AFDN: variants seen among roughly 807,000 people sequenced by gnomAD.
The protein encoded by AFDN is afadin.
A neutral mutation model predicts 216.6 loss-of-function variants in AFDN; 68 were observed. The ratio of observed to expected loss-of-function variants is 0.31; its 90% CI spans 0.26 to 0.38. AFDN has a LOEUF of 0.38. Ranked by LOEUF, AFDN falls within the 10% of genes least tolerant of loss-of-function variation. The pLI is 1.00. For missense variants in AFDN, 2,136 were observed against 2,342.0 expected, an observed-to-expected ratio of 0.91 and a Z score of 1.82; for synonymous variants, 868 against 853.7, an observed-to-expected ratio of 1.02 and a Z score of -0.29.
chr6:167,914,366 T>A, intron 17 of AFDN, 53 bp downstream of exon 17: 1 of 1,577,122 alleles, frequency 6.3e-7, no homozygotes, highest in Non-Finnish European at 8.7e-7. Context: ...AAGTCATTTG[T>A]TTTCTTATTC....
chr6:167,893,744 C>A, intron 8 of AFDN, 118 bp from the exon 9 acceptor site: 2 of 760,776 alleles, frequency 2.6e-6, no homozygotes, highest in Non-Finnish European at 4.6e-6. Flanking sequence ...TGAAACGTGT[C>A]TCACTGAAGT....
At chr6:167,845,053 G>A (rs1169757447) in intron 1 of AFDN, among the ~76,000 whole-genome samples, 1 of 151,730 alleles carries the variant, frequency 6.6e-6, no homozygotes, top group African/African-American at 2.4e-5. Flanking sequence ...ATAAAGATGT[G>A]GTCTCACTAT....
At chr6:167,937,498 A>C (rs539176913) in intron 23 of AFDN, among the ~76,000 whole-genome samples, 1 of 152,166 alleles carries the variant, frequency 6.6e-6, no homozygotes, top group Non-Finnish European at 1.5e-5. Flanking sequence ...TCCTCCCGCC[A>C]CAGCCTCCCA....
rs562905242 is a variant in AFDN, at chr6:167,933,971, G to A, written c.3099+8880G>A. On this transcript the variant is annotated intron_variant, in intron 23 of 33. Transcript: ENST00000683244. Reference sequence around the variant, plus strand: ...TGATCCAGACCCATCCCCTGCACAGGCCAGGACTCTGGGGAGCTTTGTCAG... The same window carrying A: ...TGATCCAGACCCATCCCCTGCACAGACCAGGACTCTGGGGAGCTTTGTCAG... Among the ~76,000 whole-genome samples, 285 of 152,268 alleles carry A rather than the reference G, an allele frequency of 1.9e-3. 1 individual carries two copies. Among genetic ancestry groups the A allele is most frequent in the African/African-American group, 6.8e-3 (281 of 41,558 alleles).
In AFDN at chr6:167,852,565, C is replaced by T. The variant is rs528170139; in HGVS notation, c.106-11986C>T. Among the ~76,000 whole-genome samples the T allele has an allele frequency of 1.4e-4, 22 of 152,260 alleles. No individual in the cohort carries two copies. The East Asian group carries it at 2.3e-3, about 16-fold the overall frequency. On this transcript the variant is annotated intron_variant, in intron 1 of 33. Coordinates refer to ENST00000683244, the MANE Select transcript of AFDN (RefSeq NM_001386888.1). ...TCAAGTTCCTTATCACTGTTTCATT[C>T]GGAGATCTTTGTCTAAATCAGTTAA...
At chr6:167,853,944 G>C (rs535791602) in intron 1 of AFDN, among the ~76,000 whole-genome samples, 1 of 151,880 alleles carries the variant, frequency 6.6e-6, no homozygotes. Flanking sequence ...ATAGCCTTTC[G>C]CATTTCATAT....
intron 6 of AFDN, among the ~76,000 whole-genome samples, chr6:167,887,699 C>A (rs540047058): frequency 6.6e-6 from 1 of 152,176 alleles, no homozygotes; most frequent in Admixed American, 6.5e-5. Flanking sequence ...CTCAGGCAGT[C>A]CACCTGCCTT....
Position 167,943,976 on chromosome 6 carries a change from T to C in AFDN, c.3275T>C (p.Val1092Ala). Residue 1092 changes from valine (V) to alanine (A), a missense_variant, in exon 26 of 34, where the codon GTG (valine) becomes GCG (alanine). Val to Ala is a moderately conservative substitution (Grantham distance 64). This residue lies in a region of AFDN where 74 missense variants were observed against 98.8 expected (regional missense o/e 0.75). Transcript: ENST00000683244. ...AELMTRTSSV[V>A]TLEVAKQGAI... Reference sequence around the variant, plus strand: ...CTCATGACAAGAACAAGCTCTGTGGTGACACTGGAAGTAGCAAAGCAGGGT... The same window carrying C: ...CTCATGACAAGAACAAGCTCTGTGGCGACACTGGAAGTAGCAAAGCAGGGT... The C allele has an allele frequency of 1.2e-6, 2 of 1,614,150 alleles. No individual in the cohort carries two copies. The highest frequency in any genetic ancestry group is 8.5e-7 in the Non-Finnish European group (1 of 1,180,016).
chr6:167,895,489 A>G (rs1430359728), intron 9 of AFDN, among the ~76,000 whole-genome samples: 1 of 152,106 alleles, frequency 6.6e-6, no homozygotes, highest in African/African-American at 2.4e-5. Context: ...ACAATTTCTT[A>G]ATGGGTGTTA....
chr6:167,955,478 A>G (rs1051597328), intron 30 of AFDN, among the ~76,000 whole-genome samples: 2 of 152,112 alleles, frequency 1.3e-5, no homozygotes, highest in Admixed American at 6.5e-5. Context: ...TTTGATGTAC[A>G]TAAGTGTAGC....
intron 1 of AFDN, among the ~76,000 whole-genome samples, chr6:167,834,153 T>C (rs1257040400): frequency 6.6e-6 from 1 of 152,176 alleles, no homozygotes; most frequent in Non-Finnish European, 1.5e-5. Flanking sequence ...ATATGGTTAC[T>C]TGAGTAAGTT....
intron 23 of AFDN, 107 bp downstream of exon 23, chr6:167,925,198 T>C: frequency 3.8e-6 from 3 of 781,882 alleles, no homozygotes; most frequent in Non-Finnish European, 6.6e-6. Context: ...GTGTATAACG[T>C]GCCTGTTCAG....
At chr6:167,953,569 G>C (rs1217316866) in intron 30 of AFDN, among the ~76,000 whole-genome samples, 1 of 152,176 alleles carries the variant, frequency 6.6e-6, no homozygotes, top group Non-Finnish European at 1.5e-5. Context: ...CAAGTCATTA[G>C]TAGTAAACTT....
At chr6:167,880,218 A>C (rs1785938738) in intron 5 of AFDN, 142 bp from the exon 6 acceptor site, 3 of 710,574 alleles carry the variant, frequency 4.2e-6, no homozygotes, top group Non-Finnish European at 7.0e-6. Context: ...AGGAAATGAA[A>C]CAATAGTTAT....
rs774252502 is a variant in AFDN, at chr6:167,864,647, A to T, written c.202A>T (p.Thr68Ser). 6.2e-7 allele frequency: 1 copy of T among 1,614,178 alleles called. No homozygotes were observed. Among genetic ancestry groups the T allele is most frequent in the South Asian group, 1.1e-5 (1 of 91,076 alleles). Residue 68 changes from threonine (T) to serine (S), a missense_variant, in exon 2 of 34, where the codon ACT becomes TCT. Around this residue, in one of 8 missense-constraint regions of AFDN, gnomAD observed 817 missense variants for 965.7 expected, o/e 0.85. Coordinates refer to ENST00000683244, the MANE Select transcript of AFDN (RefSeq NM_001386888.1). ...KCIRVSSTAT[T>S]QDVIETLAEK... is the part of the protein sequence containing the mutation. ...TATTCGGGTCTCTAGTACTGCCACC[A>T]CTCAAGATGTAATCGAAACGCTCGC... is the stretch of plus-strand genomic sequence containing the variant.
At chr6:167,837,471 C>A (rs1780578514) in intron 1 of AFDN, among the ~76,000 whole-genome samples, 1 of 149,688 alleles carries the variant, frequency 6.7e-6, no homozygotes, top group Non-Finnish European at 1.5e-5. Context: ...TTGTTTACAT[C>A]TTTAGTACTG....
intron 30 of AFDN, among the ~76,000 whole-genome samples, chr6:167,961,115 A>G (rs1796994317): frequency 6.6e-6 from 1 of 152,132 alleles, no homozygotes; most frequent in African/African-American, 2.4e-5. Flanking sequence ...AGCACTTAAC[A>G]TTGTTATATT....
At chr6:167,829,276 T>G (rs1021036507) in intron 1 of AFDN, among the ~76,000 whole-genome samples, 2 of 152,170 alleles carry the variant, frequency 1.3e-5, no homozygotes, top group African/African-American at 4.8e-5. Context: ...CTATTTTGTT[T>G]TCTCGAGAAC....
intron 19 of AFDN, 23 bp downstream of exon 19, chr6:167,915,456 A>AG: frequency 6.3e-7 from 1 of 1,589,940 alleles, no homozygotes; most frequent in Non-Finnish European, 8.6e-7. Flanking sequence ...GCCACTCCCC[A>AG]GCTCATGTGC....
Sources: allele counts gnomAD v4.1 joint callset (sites outside exome capture counted in the v4.1 genomes callset), GRCh38; gene constraint gnomAD v4.1.1; regional missense constraint gnomAD v4.1.1; transcripts MANE v1.5; gene names NCBI Gene and HGNC (gene_info 2026-07-23, HGNC 2026-07-21).